CNTNAP2: variants seen among roughly 807,000 people sequenced by gnomAD.
CNTNAP2 encodes the protein contactin-associated protein-like 2.
A neutral mutation model predicts 155.2 loss-of-function variants in CNTNAP2; 98 were observed. That is an observed-to-expected ratio of 0.63 (90% CI 0.54 to 0.75). The LOEUF (loss-of-function observed/expected upper bound fraction) is 0.75, where lower values mean the gene tolerates loss of function less well. CNTNAP2 is among the 30% of genes least tolerant of loss of function. The pLI is 0.00. For synonymous variants in CNTNAP2, 651 were observed against 631.2 expected (o/e 1.03, Z -0.47); for missense variants, 1,727 against 1,688.1 (o/e 1.02, Z -0.40).
chr7:146,872,331 A>C (rs1012207714), intron 3 of CNTNAP2, among the ~76,000 whole-genome samples: 7 of 152,140 alleles, frequency 4.6e-5, no homozygotes, highest in Non-Finnish European at 7.4e-5. Flanking sequence ...TTTCTGGTTG[A>C]AAAAGAAAGT....
At chr7:147,075,168 A>G (rs1204144059) in intron 4 of CNTNAP2, among the ~76,000 whole-genome samples, 1 of 152,226 alleles carries the variant, frequency 6.6e-6, no homozygotes, top group Non-Finnish European at 1.5e-5. Flanking sequence ...TTCACTCATG[A>G]ATCTCATTTT....
chr7:147,703,189 G>A (rs772628619), intron 13 of CNTNAP2, among the ~76,000 whole-genome samples: 8 of 151,934 alleles, frequency 5.3e-5, no homozygotes, highest in Non-Finnish European at 1.0e-4. Context: ...GAGAGAAGAC[G>A]ATTTGCTTCT....
intron 1 of CNTNAP2, among the ~76,000 whole-genome samples, chr7:146,207,396 C>T (rs1798963142): frequency 6.6e-6 from 1 of 151,902 alleles, no homozygotes; most frequent in Non-Finnish European, 1.5e-5. Flanking sequence ...TCAAGATGTA[C>T]TGAGTTTAAA....
chr7:146,512,089 A>G (rs1390665706), intron 1 of CNTNAP2, among the ~76,000 whole-genome samples: 1 of 151,996 alleles, frequency 6.6e-6, no homozygotes, highest in Non-Finnish European at 1.5e-5. Flanking sequence ...AATATGCTAT[A>G]ATCATCCTTT....
chr7:146,169,581 A>G (rs1798359749), intron 1 of CNTNAP2, among the ~76,000 whole-genome samples: 1 of 152,042 alleles, frequency 6.6e-6, no homozygotes, highest in East Asian at 1.9e-4. Context: ...CATGTTGTAC[A>G]TTTGATTCTC....
chr7:146,419,485 A>C (rs1795981803), intron 1 of CNTNAP2, among the ~76,000 whole-genome samples: 1 of 152,114 alleles, frequency 6.6e-6, no homozygotes, highest in Non-Finnish European at 1.5e-5. Context: ...GGAACTAACA[A>C]AGATTTCATA....
chr7:146,324,994 G>A (rs1801072324), intron 1 of CNTNAP2, among the ~76,000 whole-genome samples: 1 of 152,050 alleles, frequency 6.6e-6, no homozygotes, highest in Non-Finnish European at 1.5e-5. Context: ...GATTGCAGTG[G>A]CACAGCAATG....
At chr7:147,507,892 C>G (rs1798940499) in intron 11 of CNTNAP2, among the ~76,000 whole-genome samples, 2 of 152,064 alleles carry the variant, frequency 1.3e-5, no homozygotes, top group South Asian at 4.1e-4. Context: ...TTTTCTGTAA[C>G]TCAGCAGCTC....
At chr7:147,928,043 T>C (rs1277744085) in intron 14 of CNTNAP2, among the ~76,000 whole-genome samples, 2 of 152,208 alleles carry the variant, frequency 1.3e-5, no homozygotes, top group African/African-American at 4.8e-5. Flanking sequence ...ACTGTCCTCA[T>C]GGCAGTGAAT....
intron 1 of CNTNAP2, among the ~76,000 whole-genome samples, chr7:146,372,964 T>C (rs1795256738): frequency 6.6e-6 from 1 of 152,126 alleles, no homozygotes; most frequent in Non-Finnish European, 1.5e-5. Flanking sequence ...GATCACATAT[T>C]ACCTGAAAAA....
intron 3 of CNTNAP2, among the ~76,000 whole-genome samples, chr7:147,000,921 T>A (rs1047251274): frequency 1.3e-5 from 2 of 152,088 alleles, no homozygotes; most frequent in Non-Finnish European, 2.9e-5. Flanking sequence ...GTTCCTATCT[T>A]GCACTATGGT....
chr7:147,264,147 A>T (rs564874663), intron 8 of CNTNAP2, among the ~76,000 whole-genome samples: 29 of 152,310 alleles, frequency 1.9e-4, no homozygotes, highest in African/African-American at 7.0e-4. Flanking sequence ...GGCAAGGAAA[A>T]TAGAAGCAAA....
chr7:148,179,530 A>G (rs947133910), intron 18 of CNTNAP2, among the ~76,000 whole-genome samples: 3 of 129,966 alleles, frequency 2.3e-5, no homozygotes, highest in African/African-American at 8.8e-5. Context: ...AGAGAGGGAG[A>G]GAGAGGGAGT....
At chr7:147,480,552 G>A (rs1028678248) in intron 10 of CNTNAP2, among the ~76,000 whole-genome samples, 1 of 152,198 alleles carries the variant, frequency 6.6e-6, no homozygotes, top group African/African-American at 2.4e-5. Flanking sequence ...ACAGTCAGGT[G>A]CAGAAATGAT....
Position 147,903,605 on chromosome 7 carries a change from G to T in CNTNAP2, c.2139G>T (p.Glu713Asp). 1 of 1,614,208 alleles carries T rather than the reference G, an allele frequency of 6.2e-7. No homozygotes were observed. The highest frequency in any genetic ancestry group is 1.1e-5 in the South Asian group (1 of 91,082). The stretch of plus-strand genomic sequence containing the variant: ...CTTGGTGGGTTGGCAAAGCCAACGA[G>T]AAGCACTACTACTGGGGAGGCTCTG... The part of the protein sequence containing the change: ...PYTWWVGKAN[E>D]KHYYWGGSGP... The change falls in exon 14 of 24, where the codon GAG (glutamate) becomes GAT (aspartate). Residue 713 changes from glutamate (E) to aspartate (D), a missense_variant. Coordinates refer to ENST00000361727, the MANE Select transcript of CNTNAP2 (RefSeq NM_014141.6).
At chr7:148,209,970 C>T (rs1437710108) in intron 18 of CNTNAP2, among the ~76,000 whole-genome samples, 1 of 152,178 alleles carries the variant, frequency 6.6e-6, no homozygotes, top group Non-Finnish European at 1.5e-5. Flanking sequence ...CCCCCGTTAC[C>T]AGCAAAATCT....
chr7:147,159,211 T>C (rs1490572519), intron 8 of CNTNAP2, among the ~76,000 whole-genome samples: 2 of 152,078 alleles, frequency 1.3e-5, no homozygotes, highest in Non-Finnish European at 2.9e-5. Context: ...AATTGGGAAG[T>C]CATGTGTATC....
chr7:147,567,914 C>T (rs1359095799), intron 12 of CNTNAP2, among the ~76,000 whole-genome samples: 2 of 151,978 alleles, frequency 1.3e-5, no homozygotes, highest in African/African-American at 4.8e-5. Flanking sequence ...GGCGAAACCC[C>T]GTCTCTACTA....
intron 1 of CNTNAP2, among the ~76,000 whole-genome samples, chr7:146,250,433 G>A (rs537918570): frequency 2.6e-5 from 4 of 152,278 alleles, no homozygotes; most frequent in East Asian, 1.9e-4. Flanking sequence ...TTTAAAGGTC[G>A]CATGGATAGA....
Sources: gnomAD v4.1 joint callset for allele counts (sites outside exome capture counted in the v4.1 genomes callset) on GRCh38, gnomAD v4.1.1 for gene constraint, MANE v1.5 for transcripts, NCBI Gene and HGNC (gene_info 2026-07-23, HGNC 2026-07-21) for gene names.